The following DNAAF5 variants were observed in gnomAD, a reference collection of about 807,000 sequenced individuals.
The protein encoded by DNAAF5 is HEAT repeat containing 2.
In DNAAF5, 64 loss-of-function variants were observed where a neutral mutation model predicts 75.8. The ratio of observed to expected loss-of-function variants is 0.84; its 90% CI spans 0.69 to 1.04. The LOEUF is 1.04. Ranked by LOEUF, DNAAF5 falls within the 50% of genes least tolerant of loss-of-function variation. The pLI, the probability that DNAAF5 is intolerant of heterozygous loss-of-function variation, is 0.00. For synonymous variants in DNAAF5, 657 were observed against 557.2 expected (o/e 1.18, Z -2.52); for missense variants, 1,269 against 1,178.5 (o/e 1.08, Z -1.12).
intron 4 of DNAAF5, among the ~76,000 whole-genome samples, chr7:746,546 C>A (rs1469028421): frequency 2.0e-5 from 3 of 146,622 alleles, no homozygotes; most frequent in African/African-American, 7.6e-5. Context: ...TCATCCCTTT[C>A]CCCCGCCCGC....
intron 9 of DNAAF5, chr7:772,501 T>A (rs1037661256): frequency 2.0e-5 from 3 of 152,224 alleles, no homozygotes; most frequent in African/African-American, 7.2e-5. Flanking sequence ...GCACCGTTTC[T>A]GGAAGTCAAG....
intron 2 of DNAAF5, among the ~76,000 whole-genome samples, chr7:735,913 C>G (rs1781728668): frequency 6.6e-6 from 1 of 152,120 alleles, no homozygotes; most frequent in South Asian, 2.1e-4. Flanking sequence ...GTGCTAATTG[C>G]TATACACTTG....
In DNAAF5 at chr7:727,025, T is replaced by C; in HGVS notation, c.305T>C (p.Leu102Pro). The change falls in exon 1 of 13, where the codon CTG (leucine) becomes CCG (proline). Residue 102 changes from leucine to proline, a missense_variant. Transcript: ENST00000297440. ...CRALAVHLLD[L>P]GLRRAARPRD... is the part of the protein sequence containing the mutation. ...GCGCTGGCAGTGCACCTGCTGGATC[T>C]GGGCCTGCGCCGCGCCGCGCGGCCC... is the stretch of plus-strand genomic sequence containing the variant. The C allele has an allele frequency of 8.5e-7, 1 of 1,183,196 alleles. No homozygotes were observed. Among genetic ancestry groups the C allele is most frequent in the Non-Finnish European group, 1.0e-6 (1 of 955,040 alleles). The allele number at this position is 1,183,196 out of a possible 1,614,324, so 73.3% of individuals were successfully genotyped here.
intron 8 of DNAAF5, among the ~76,000 whole-genome samples, chr7:767,618 TGTG>T (rs1038541402): frequency 6.6e-6 from 1 of 151,620 alleles, no homozygotes; most frequent in Non-Finnish European, 1.5e-5. Flanking sequence ...GGAAGACAGG[TGTG>T]GTGTGATATG....
At chr7:732,655 AT>A in intron 2 of DNAAF5, 1 of 455,648 alleles carries the variant, frequency 2.2e-6, no homozygotes, top group East Asian at 6.9e-5. Context: ...AGAAATGTCT[AT>A]TCAGATCTGT....
At chr7:769,350 T>C (rs1433532840) in intron 8 of DNAAF5, 1 of 624,906 alleles carries the variant, frequency 1.6e-6, no homozygotes, top group Non-Finnish European at 2.9e-6. Flanking sequence ...CAGGAGACGC[T>C]GCAGGGACTC....
chr7:769,256 C>T, intron 8 of DNAAF5: 2 of 732,038 alleles, frequency 2.7e-6, no homozygotes, highest in Middle Eastern at 2.3e-4. Flanking sequence ...CTACACTGGC[C>T]CGGGGCCAGA....
rs377147369 is a variant in DNAAF5, at chr7:740,922, A to T, written c.884A>T (p.Asn295Ile). The T allele has an allele frequency of 6.2e-7, 1 of 1,613,670 alleles. No homozygotes were observed. Among genetic ancestry groups the T allele is most frequent in the East Asian group, 2.2e-5 (1 of 44,882 alleles). The change falls in exon 3 of 13, where the codon AAC becomes ATC. Residue 295 changes from asparagine to isoleucine, a missense_variant. Transcript: ENST00000297440. ...KLIPLLLSSL[N>I]DEVPEVRQLA... ...ATCCCTCTGCTGCTCAGTAGCCTCAACGACGAGGTGCCTGAGGTCAGGTAC... is the reference window on the plus strand; with the variant it reads ...ATCCCTCTGCTGCTCAGTAGCCTCATCGACGAGGTGCCTGAGGTCAGGTAC...
At position 727,324 on chromosome 7, in the gene DNAAF5, C is replaced by A; in HGVS notation, c.595+9C>A. ...GGCGCAGGCCACGCCCGGTGAGCACCCCGGGCCCCGCTCCCACACGCCACC... is the reference window on the plus strand; with the variant it reads ...GGCGCAGGCCACGCCCGGTGAGCACACCGGGCCCCGCTCCCACACGCCACC... On this transcript the variant is annotated intron_variant, in intron 1 of 12. Transcript: ENST00000297440. 7.9e-7 allele frequency: 1 copy of A among 1,258,830 alleles called. No individual in the cohort carries two copies. The highest frequency in any genetic ancestry group is 1.0e-6 in the Non-Finnish European group (1 of 999,054). The allele number at this position is 1,258,830 out of a possible 1,614,324, so 78.0% of individuals were successfully genotyped here.
intron 4 of DNAAF5, among the ~76,000 whole-genome samples, chr7:742,325 T>C (rs1781935665): frequency 6.6e-6 from 1 of 151,638 alleles, no homozygotes; most frequent in African/African-American, 2.4e-5. Flanking sequence ...GATGCCCAGC[T>C]CAAATCAGAC....
At chr7:767,936 A>G (rs1464555278) in intron 8 of DNAAF5, among the ~76,000 whole-genome samples, 1 of 145,988 alleles carries the variant, frequency 6.8e-6, no homozygotes, top group Non-Finnish European at 1.5e-5. Context: ...GAGGGCGGAC[A>G]CGTGGCTCCG....
Position 754,967 on chromosome 7 carries a change from C to T in DNAAF5, c.1257+146C>T. ...GCCGCAGGCCCTCCCCACACCCAGC[C>T]CCTGGGAACAACTGATCTCCTTTCT... is the stretch of plus-strand genomic sequence containing the variant. On this transcript the variant is annotated intron_variant, in intron 5 of 12. Transcript: ENST00000297440. This position sits in a 1 kb window ranked among gnomAD's most constrained non-coding sequence, Gnocchi z 4.8. The T allele has an allele frequency of 1.6e-6, 1 of 620,418 alleles. No individual in the cohort carries two copies. Among genetic ancestry groups the T allele is most frequent in the Non-Finnish European group, 2.8e-6 (1 of 356,472 alleles). The allele number at this position is 620,418 out of a possible 1,614,324, so 38.4% of individuals were successfully genotyped here.
intron 4 of DNAAF5, among the ~76,000 whole-genome samples, chr7:745,546 C>T (rs187089653): frequency 1.6e-3 from 241 of 152,212 alleles, no homozygotes; most frequent in African/African-American, 5.1e-3. Flanking sequence ...TATCGTCACA[C>T]GCGTACACAC....
At chr7:764,603 C>T (rs1016998468) in intron 8 of DNAAF5, among the ~76,000 whole-genome samples, 2 of 152,240 alleles carry the variant, frequency 1.3e-5, no homozygotes, top group African/African-American at 2.4e-5. Context: ...CGAGTGCCCC[C>T]GCCTCCTGTT....
At chr7:770,381 G>T in intron 8 of DNAAF5, 90 bp from the exon 9 acceptor site, 1 of 1,263,190 alleles carries the variant, frequency 7.9e-7, no homozygotes, top group Non-Finnish European at 1.1e-6. Context: ...CCTCTCCCAG[G>T]TGGGAGCGCC....
intron 8 of DNAAF5, chr7:768,433 A>G (rs1010488940): frequency 2.8e-5 from 4 of 145,234 alleles, no homozygotes; most frequent in African/African-American, 1.0e-4. Context: ...CTGTGCTGCG[A>G]GTGGGCGCTC....
intron 2 of DNAAF5, among the ~76,000 whole-genome samples, chr7:738,933 G>C (rs569883745): frequency 6.6e-6 from 1 of 152,358 alleles, no homozygotes; most frequent in South Asian, 2.1e-4. Flanking sequence ...AAGCAGCGAG[G>C]CCAAACCCAG....
At chr7:729,013 T>A (rs1781466793) in intron 1 of DNAAF5, among the ~76,000 whole-genome samples, 4 of 151,390 alleles carry the variant, frequency 2.6e-5, no homozygotes, top group Admixed American at 2.0e-4. Flanking sequence ...TTTTTTTTTT[T>A]TGAGACAGGG....
intron 2 of DNAAF5, among the ~76,000 whole-genome samples, chr7:740,509 C>G (rs1781869826): frequency 6.6e-6 from 1 of 152,220 alleles, no homozygotes; most frequent in African/African-American, 2.4e-5. Context: ...TGGGAGCCTG[C>G]TCTCGCCAAC....
Sources: allele counts gnomAD v4.1 joint callset (sites outside exome capture counted in the v4.1 genomes callset), GRCh38; gene constraint gnomAD v4.1.1; non-coding constraint Gnocchi (gnomAD v3.1); transcripts MANE v1.5; gene names NCBI Gene and HGNC (gene_info 2026-07-23, HGNC 2026-07-21).